The following DLC1 variants were observed in gnomAD, a reference collection of about 807,000 sequenced individuals.
The protein encoded by DLC1 is DLC1 Rho GTPase activating protein.
In DLC1, 54 loss-of-function variants were observed where a neutral mutation model predicts 140.3. The observed-to-expected ratio is 0.38, with a 90% CI of 0.31 to 0.48. The LOEUF is 0.48. DLC1 is among the 20% of genes least tolerant of loss of function. The pLI is 0.96. For missense variants in DLC1, 2,536 were observed against 1,907.0 expected (o/e 1.33, Z -6.14); for synonymous variants, 986 against 728.1 (o/e 1.35, Z -5.70).
chr8:13,391,680 A>G (rs1836768373), intron 4 of DLC1, among the ~76,000 whole-genome samples: 1 of 152,180 alleles, frequency 6.6e-6, no homozygotes, highest in Non-Finnish European at 1.5e-5. Context: ...GGGGTAACTG[A>G]AGAAAGAGTA....
At chr8:13,365,785 A>C (rs1263822950) in intron 4 of DLC1, among the ~76,000 whole-genome samples, 1 of 152,158 alleles carries the variant, frequency 6.6e-6, no homozygotes, top group African/African-American at 2.4e-5. Context: ...AAATTAAAAA[A>C]AATCACTCAA....
At chr8:13,115,435 A>G in intron 6 of DLC1, 151 bp downstream of exon 6, 1 of 698,490 alleles carries the variant, frequency 1.4e-6, no homozygotes, top group Non-Finnish European at 2.3e-6. Context: ...TTTTGTTTTC[A>G]GCGGTGGGGG....
intron 5 of DLC1, among the ~76,000 whole-genome samples, chr8:13,179,408 C>T (rs1021353911): frequency 7.2e-5 from 11 of 151,956 alleles, no homozygotes; most frequent in Non-Finnish European, 2.9e-5. Flanking sequence ...TACACATGCA[C>T]TGTATATATA....
chr8:13,150,555 T>C lies in DLC1; in HGVS notation c.1349-34898A>G, dbSNP rs190193031. ...ATGACTGGCAGTAAACACAGAAGCC[T>C]GCGATGGCTTTAATATCCTCTTAGA... is the stretch of plus-strand genomic sequence containing the variant. On this transcript the variant is annotated intron_variant, in intron 5 of 17. Transcript: ENST00000276297. Among the ~76,000 whole-genome samples the C allele has an allele frequency of 5.8e-3, 877 of 152,340 alleles. 5 individuals are homozygous for C. The highest frequency in any genetic ancestry group is 0.01 in the Middle Eastern group (3 of 292).
chr8:13,431,040 A>T (rs1838838936), intron 2 of DLC1, among the ~76,000 whole-genome samples: 1 of 152,214 alleles, frequency 6.6e-6, no homozygotes, highest in Non-Finnish European at 1.5e-5. Context: ...ATGTCAGTCA[A>T]CTGAGGGTTT....
chr8:13,420,576 A>C (rs577944162), intron 2 of DLC1, among the ~76,000 whole-genome samples: 1 of 151,892 alleles, frequency 6.6e-6, no homozygotes, highest in African/African-American at 2.4e-5. Context: ...TCAACCCCTG[A>C]CAGGCCCGGG....
At chr8:13,227,767 A>G (rs1269581702) in intron 5 of DLC1, among the ~76,000 whole-genome samples, 2 of 152,222 alleles carry the variant, frequency 1.3e-5, no homozygotes, top group African/African-American at 4.8e-5. Flanking sequence ...TGGCCAGTCT[A>G]TTGTGACATA....
At chr8:13,417,257 GT>G (rs1056997030) in intron 2 of DLC1, among the ~76,000 whole-genome samples, 14 of 151,892 alleles carry the variant, frequency 9.2e-5, no homozygotes, top group African/African-American at 3.1e-4. Context: ...TGTGCACAAT[GT>G]GCAGGTTAGT....
intron 5 of DLC1, among the ~76,000 whole-genome samples, chr8:13,167,566 C>G (rs570458983): frequency 4.4e-4 from 67 of 152,206 alleles, no homozygotes; most frequent in Admixed American, 1.9e-3. Context: ...ATGGGTGACG[C>G]CTGAAATCAG....
At chr8:13,415,601 G>A (rs1308281181) in intron 2 of DLC1, among the ~76,000 whole-genome samples, 5 of 151,802 alleles carry the variant, frequency 3.3e-5, no homozygotes, top group Non-Finnish European at 5.9e-5. Context: ...GGGTTTCACC[G>A]TATTAGCCAG....
Position 13,333,149 on chromosome 8 carries a change from C to T in DLC1, c.1315-27847G>A, listed in dbSNP as rs1833670910. ...TTTGTCCTTATTGCATGCATGAATACATTTTTGTAAAATATTCCCTACCTA... is the reference window on the plus strand; with the variant it reads ...TTTGTCCTTATTGCATGCATGAATATATTTTTGTAAAATATTCCCTACCTA... On this transcript the variant is annotated intron_variant, in intron 4 of 17. Coordinates refer to ENST00000276297, the MANE Select transcript of DLC1 (RefSeq NM_182643.3). 2.6e-5 allele frequency among the ~76,000 whole-genome samples: 4 copies of T among 152,108 alleles called. No individual in the cohort carries two copies. The South Asian group carries it at 8.3e-4, about 32-fold the overall frequency.
At chr8:13,111,032 G>C (rs1368805850) in intron 6 of DLC1, among the ~76,000 whole-genome samples, 1 of 152,134 alleles carries the variant, frequency 6.6e-6, no homozygotes, top group Non-Finnish European at 1.5e-5. Context: ...GCTTTAATGT[G>C]GGGGAAACTC....
At chr8:13,139,456 C>A (rs1822813114) in intron 5 of DLC1, among the ~76,000 whole-genome samples, 1 of 152,052 alleles carries the variant, frequency 6.6e-6, no homozygotes, top group African/African-American at 2.4e-5. Flanking sequence ...ATTTACTAAA[C>A]CCTAGAAAAG....
At chr8:13,401,956 C>A (rs529520995) in intron 2 of DLC1, among the ~76,000 whole-genome samples, 1 of 152,058 alleles carries the variant, frequency 6.6e-6, no homozygotes, top group South Asian at 2.1e-4. Flanking sequence ...TTTCAGAGTA[C>A]AAATTGATTA....
intron 4 of DLC1, among the ~76,000 whole-genome samples, chr8:13,309,284 A>C (rs1832574621): frequency 6.6e-6 from 1 of 152,172 alleles, no homozygotes; most frequent in Non-Finnish European, 1.5e-5. Context: ...TCTACAAATG[A>C]CTTCCAAATG....
intron 5 of DLC1, among the ~76,000 whole-genome samples, chr8:13,165,488 G>A (rs1825044787): frequency 6.6e-6 from 1 of 152,178 alleles, no homozygotes; most frequent in African/African-American, 2.4e-5. Flanking sequence ...ACCCAAAGTT[G>A]CAACAGTCAC....
intron 1 of DLC1, among the ~76,000 whole-genome samples, chr8:13,513,474 T>C (rs951659776): frequency 6.6e-6 from 1 of 152,128 alleles, no homozygotes; most frequent in Non-Finnish European, 1.5e-5. Context: ...TAAAAACTTA[T>C]AATGAAAACA....
At chr8:13,423,856 C>G (rs1324304454) in intron 2 of DLC1, among the ~76,000 whole-genome samples, 1 of 152,068 alleles carries the variant, frequency 6.6e-6, no homozygotes, top group East Asian at 1.9e-4. Context: ...TATTTTTATT[C>G]TAAACGTCCT....
chr8:13,338,427 T>C (rs148102145), intron 4 of DLC1: 1 of 152,328 alleles, frequency 6.6e-6, no homozygotes, highest in East Asian at 1.9e-4. Context: ...TTGATTTTTA[T>C]TAGAAAAGAA....
Sources: allele counts gnomAD v4.1 joint callset (sites outside exome capture counted in the v4.1 genomes callset), GRCh38; gene constraint gnomAD v4.1.1; transcripts MANE v1.5; gene names NCBI Gene and HGNC (gene_info 2026-07-23, HGNC 2026-07-21).